The following EYS variants were observed in gnomAD, a reference collection of about 807,000 sequenced individuals.
EYS encodes EGF-like photoreceptor maintenance factor.
A neutral mutation model predicts 282.1 loss-of-function variants in EYS; 250 were observed. The ratio of observed to expected loss-of-function variants is 0.89; its 90% CI spans 0.80 to 0.98. The LOEUF (loss-of-function observed/expected upper bound fraction) is 0.98, where lower values mean the gene tolerates loss of function less well. EYS is among the 50% of genes least tolerant of loss of function. EYS has a pLI of 0.00. For synonymous variants in EYS, 1,355 were observed against 1,282.9 expected (o/e 1.06, Z -1.20); for missense variants, 4,016 against 3,709.0 (o/e 1.08, Z -2.15).
chr6:64,020,274 T>C (rs1486338104), intron 33 of EYS, among the ~76,000 whole-genome samples: 1 of 152,158 alleles, frequency 6.6e-6, no homozygotes, highest in African/African-American at 2.4e-5. Context: ...ACCCTAAGTA[T>C]CCTGACTTGA....
chr6:64,115,540 A>G (rs1193864584), intron 31 of EYS, among the ~76,000 whole-genome samples: 1 of 152,170 alleles, frequency 6.6e-6, no homozygotes. Flanking sequence ...GTGGATACTC[A>G]TAGTTTTAGC....
At chr6:64,856,080 C>T (rs1766049128) in intron 19 of EYS, among the ~76,000 whole-genome samples, 1 of 152,134 alleles carries the variant, frequency 6.6e-6, no homozygotes, top group Non-Finnish European at 1.5e-5. Context: ...CAATTATATA[C>T]ACAATTTTAT....
chr6:65,233,965 A>G (rs1766855634), intron 12 of EYS, among the ~76,000 whole-genome samples: 1 of 152,084 alleles, frequency 6.6e-6, no homozygotes, highest in Non-Finnish European at 1.5e-5. Flanking sequence ...CCCTGAGTTG[A>G]CTGTGATCTC....
At chr6:65,411,134 A>T (rs1766997477) in intron 5 of EYS, among the ~76,000 whole-genome samples, 1 of 152,056 alleles carries the variant, frequency 6.6e-6, no homozygotes, top group Admixed American at 6.6e-5. Flanking sequence ...AAAAAATAGA[A>T]GACTCAAATA....
At chr6:65,428,021 A>G (rs1192757498) in intron 5 of EYS, among the ~76,000 whole-genome samples, 1 of 152,070 alleles carries the variant, frequency 6.6e-6, no homozygotes, top group Non-Finnish European at 1.5e-5. Context: ...AACACGTTAT[A>G]CATAATAAGT....
intron 40 of EYS, among the ~76,000 whole-genome samples, chr6:63,765,873 C>A (rs1015507104): frequency 6.6e-6 from 1 of 151,876 alleles, no homozygotes; most frequent in Non-Finnish European, 1.5e-5. Context: ...ATTTTTAGAA[C>A]CCACAAATAA....
At chr6:64,856,591 G>T (rs1332830093) in intron 19 of EYS, among the ~76,000 whole-genome samples, 1 of 152,074 alleles carries the variant, frequency 6.6e-6, no homozygotes, top group Non-Finnish European at 1.5e-5. Context: ...GAGCCATGGT[G>T]CCTGGCCTGC....
chr6:64,868,830 C>A (rs961368672), intron 19 of EYS, among the ~76,000 whole-genome samples: 1 of 151,384 alleles, frequency 6.6e-6, no homozygotes, highest in African/African-American at 2.4e-5. Flanking sequence ...TTGAGTACTA[C>A]CTTTGGAATT....
chr6:63,895,441 C>G (rs1469489926), intron 35 of EYS, among the ~76,000 whole-genome samples: 4 of 152,118 alleles, frequency 2.6e-5, no homozygotes, highest in Non-Finnish European at 1.5e-5. Flanking sequence ...ATTATCACAG[C>G]TAGTTAGCAG....
chr6:64,622,000 A>G (rs1767459844), intron 23 of EYS, among the ~76,000 whole-genome samples: 1 of 152,076 alleles, frequency 6.6e-6, no homozygotes, highest in African/African-American at 2.4e-5. Context: ...TTCTATTTCT[A>G]TAAAAAACAT....
intron 26 of EYS, among the ~76,000 whole-genome samples, chr6:64,538,341 T>C (rs1164746217): frequency 6.6e-6 from 1 of 152,220 alleles, no homozygotes; most frequent in Non-Finnish European, 1.5e-5. Context: ...GTTGAATAAC[T>C]TTTAATAACT....
intron 2 of EYS, among the ~76,000 whole-genome samples, chr6:65,514,813 A>G (rs894384840): frequency 2.5e-4 from 38 of 152,294 alleles, no homozygotes; most frequent in Non-Finnish European, 4.1e-4. Context: ...AGACTTAAAC[A>G]ATAGACCTAA....
chr6:65,389,387 T>C (rs1415829067), intron 7 of EYS, among the ~76,000 whole-genome samples: 1 of 152,138 alleles, frequency 6.6e-6, no homozygotes, highest in Non-Finnish European at 1.5e-5. Context: ...GTACTCCCTC[T>C]GCCATGAACA....
At chr6:63,888,276 G>T (rs1773317478) in intron 35 of EYS, among the ~76,000 whole-genome samples, 1 of 152,236 alleles carries the variant, frequency 6.6e-6, no homozygotes. Context: ...CCAGCACAGT[G>T]CTCAAGCTCT....
At chr6:65,280,740 G>A (rs1768193298) in intron 12 of EYS, among the ~76,000 whole-genome samples, 1 of 151,628 alleles carries the variant, frequency 6.6e-6, no homozygotes, top group Non-Finnish European at 1.5e-5. Context: ...ACACCTGGCT[G>A]GGCGCAGTGG....
chr6:63,836,244 T>C (rs1771802111), intron 36 of EYS, among the ~76,000 whole-genome samples: 1 of 152,036 alleles, frequency 6.6e-6, no homozygotes. Flanking sequence ...AGTATTTTGC[T>C]AAGTGAAAGA....
intron 22 of EYS, among the ~76,000 whole-genome samples, chr6:64,662,753 A>G (rs982740977): frequency 4.6e-5 from 7 of 151,966 alleles, no homozygotes; most frequent in African/African-American, 1.7e-4. Flanking sequence ...GATAGTTCCT[A>G]CTCTTATTTT....
intron 2 of EYS, among the ~76,000 whole-genome samples, chr6:65,590,015 G>T (rs1381324985): frequency 6.6e-6 from 1 of 151,878 alleles, no homozygotes; most frequent in Admixed American, 6.6e-5. Flanking sequence ...GAACGCGTTG[G>T]ACATTTTTAA....
intron 37 of EYS, among the ~76,000 whole-genome samples, chr6:63,805,925 A>AATTAC (rs1349150023): frequency 6.6e-6 from 1 of 152,196 alleles, no homozygotes. Context: ...TTTCCTTTGT[A>AATTAC]AATTACCCAG....
Sources: gnomAD v4.1 joint callset for allele counts (sites outside exome capture counted in the v4.1 genomes callset) on GRCh38, gnomAD v4.1.1 for gene constraint, MANE v1.5 for transcripts, NCBI Gene and HGNC (gene_info 2026-07-23, HGNC 2026-07-21) for gene names.